DPP6: variants seen among roughly 807,000 people sequenced by gnomAD.
The protein encoded by DPP6 is dipeptidyl peptidase like 6, also known as A-type potassium channel modulatory protein DPP6.
Under a neutral mutation model 122.6 loss-of-function variants are expected in DPP6, and 69 were observed. The ratio of observed to expected loss-of-function variants is 0.56; its 90% CI spans 0.46 to 0.69. The LOEUF (loss-of-function observed/expected upper bound fraction) is 0.69, where lower values mean the gene tolerates loss of function less well. Among genes scored for constraint, DPP6 ranks in the 30% least tolerant of loss-of-function variants. The pLI, the probability that DPP6 is intolerant of heterozygous loss-of-function variation, is 0.00. For missense variants in DPP6, 928 were observed against 1,116.9 expected, an observed-to-expected ratio of 0.83 and a Z score of 2.41; for synonymous variants, 418 against 433.1, an observed-to-expected ratio of 0.97 and a Z score of 0.43.
chr7:154,615,206 T>C (rs1586737156), intron 5 of DPP6, among the ~76,000 whole-genome samples: 1 of 125,072 alleles, frequency 8.0e-6, no homozygotes, highest in African/African-American at 2.6e-5. Context: ...CTTCCTGACC[T>C]GCAAAATGAG....
intron 1 of DPP6, among the ~76,000 whole-genome samples, chr7:154,255,863 G>A (rs1187204208): frequency 6.6e-6 from 1 of 152,146 alleles, no homozygotes; most frequent in Non-Finnish European, 1.5e-5. Flanking sequence ...TGGTTACTAT[G>A]TCCAATAAAT....
the DPP6 span, among the ~76,000 whole-genome samples, chr7:153,869,164 A>T: frequency 2.0e-5 from 3 of 152,216 alleles, no homozygotes; most frequent in Non-Finnish European, 2.9e-5. Flanking sequence ...GATGTCTATT[A>T]GGTCCGCTTG....
At chr7:154,302,058 C>T (rs1805944870) in intron 1 of DPP6, among the ~76,000 whole-genome samples, 1 of 152,162 alleles carries the variant, frequency 6.6e-6, no homozygotes, top group African/African-American at 2.4e-5. Flanking sequence ...ACCTCGTGAT[C>T]TACCCTCTTA....
chr7:154,088,219 CT>C (rs1804569432), intron 1 of DPP6, among the ~76,000 whole-genome samples: 1 of 152,024 alleles, frequency 6.6e-6, no homozygotes, highest in African/African-American at 2.4e-5. Flanking sequence ...CTGGGAGGGG[CT>C]GTGCTCTCTG....
At chr7:154,391,995 CG>C (rs1814663468) in intron 1 of DPP6, among the ~76,000 whole-genome samples, 1 of 152,028 alleles carries the variant, frequency 6.6e-6, no homozygotes, top group Non-Finnish European at 1.5e-5. Context: ...CTATTCTGGC[CG>C]GGCGCGGCGG....
chr7:154,199,850 C>T (rs564681950), intron 1 of DPP6, among the ~76,000 whole-genome samples: 20 of 152,228 alleles, frequency 1.3e-4, no homozygotes, highest in African/African-American at 3.9e-4. Context: ...TCAAGTGATC[C>T]GCCTGCCTCA....
chr7:154,532,274 T>A (rs1827895850), intron 3 of DPP6, among the ~76,000 whole-genome samples: 1 of 152,092 alleles, frequency 6.6e-6, no homozygotes, highest in Admixed American at 6.5e-5. Flanking sequence ...GAGGGAAAAT[T>A]GGAAATAATT....
chr7:153,865,341 A>G, the DPP6 span, among the ~76,000 whole-genome samples: 1 of 152,060 alleles, frequency 6.6e-6, no homozygotes, highest in Non-Finnish European at 1.5e-5. Context: ...TAGGTTTGGG[A>G]TTTATTTTTT....
the DPP6 span, among the ~76,000 whole-genome samples, chr7:153,765,551 A>AAC: frequency 2.7e-5 from 4 of 149,418 alleles, no homozygotes; most frequent in Admixed American, 2.0e-4. Context: ...TAAAAAAACA[A>AAC]AAAAAAAAAA....
chr7:154,870,929 C>T (rs1309100682), intron 18 of DPP6, among the ~76,000 whole-genome samples: 3 of 141,400 alleles, frequency 2.1e-5, no homozygotes, highest in African/African-American at 8.1e-5. Context: ...CACTACTGTA[C>T]TCCAGCATGG....
chr7:154,475,130 T>C (rs1189300608), intron 3 of DPP6, 93 bp downstream of exon 3: 2 of 949,492 alleles, frequency 2.1e-6, no homozygotes, highest in East Asian at 2.4e-5. Flanking sequence ...CTCTCGGATT[T>C]CCCCCTTTGG....
chr7:154,494,757 G>A (rs780795520), intron 3 of DPP6, among the ~76,000 whole-genome samples: 5 of 152,076 alleles, frequency 3.3e-5, no homozygotes, highest in Non-Finnish European at 7.4e-5. Flanking sequence ...CCAACCCACT[G>A]TCTTTCCATC....
chr7:154,295,214 A>G (rs558902937), intron 1 of DPP6, among the ~76,000 whole-genome samples: 5 of 152,332 alleles, frequency 3.3e-5, no homozygotes, highest in African/African-American at 1.2e-4. Flanking sequence ...GTCTCCTCTC[A>G]TGATTGCCTG....
chr7:154,158,004 A>G (rs1979503), intron 1 of DPP6, among the ~76,000 whole-genome samples: 3 of 147,840 alleles, frequency 2.0e-5, no homozygotes, highest in Non-Finnish European at 1.5e-5. Context: ...TATTTATACT[A>G]ATTTATTTAG....
rs147337460 is a variant in DPP6, at chr7:154,203,298, C to T, written c.243+150235C>T. On this transcript the variant is annotated intron_variant, in intron 1 of 25. Transcript: ENST00000377770. The stretch of plus-strand genomic sequence containing the variant: ...AATACGGAAACAATGATCCCATAAA[C>T]CAGGCCCAAAGCCCCATCACTGAAG... 2.5e-3 allele frequency among the ~76,000 whole-genome samples: 388 copies of T among 152,278 alleles called. 5 individuals carry two copies. The highest frequency in any genetic ancestry group is 8.9e-3 in the African/African-American group (371 of 41,556).
Position 154,164,242 on chromosome 7 carries a change from C to G in DPP6, c.243+111179C>G, listed in dbSNP as rs377084091. Among the ~76,000 whole-genome samples, 48 of 149,976 alleles carry G rather than the reference C, an allele frequency of 3.2e-4. 2 individuals carry two copies. The East Asian group carries it at 7.4e-3, about 23-fold the overall frequency. ...CCTCCCCTTCCCTCCCCTCCCCTCC[C>G]CTCGCCTCCTTCTCTTTCCCTCTCT... is the stretch of plus-strand genomic sequence containing the variant. On this transcript the variant is annotated intron_variant, in intron 1 of 25. Coordinates refer to ENST00000377770, the MANE Select transcript of DPP6 (RefSeq NM_130797.4).
intron 5 of DPP6, among the ~76,000 whole-genome samples, chr7:154,623,632 C>A (rs893424290): frequency 6.8e-6 from 1 of 147,704 alleles, no homozygotes; most frequent in South Asian, 2.1e-4. Flanking sequence ...CGCACACATG[C>A]GTGCACACAC....
chr7:154,715,007 C>T (rs1213520017), intron 7 of DPP6, among the ~76,000 whole-genome samples: 1 of 151,854 alleles, frequency 6.6e-6, no homozygotes, highest in Non-Finnish European at 1.5e-5. Context: ...ACCTGGTAGG[C>T]TCAGAAGAAG....
intron 1 of DPP6, among the ~76,000 whole-genome samples, chr7:153,986,074 G>A (rs11769385): frequency 0.015 from 2,294 of 152,290 alleles, 24 homozygotes; most frequent in Non-Finnish European, 0.024. Context: ...TCGTATGGCT[G>A]TAGACAGAAA....
Sources: gnomAD v4.1 joint callset for allele counts (sites outside exome capture counted in the v4.1 genomes callset) on GRCh38, gnomAD v4.1.1 for gene constraint, MANE v1.5 for transcripts, NCBI Gene and HGNC (gene_info 2026-07-23, HGNC 2026-07-21) for gene names.